The following LRP8 variants were observed in gnomAD, a reference collection of about 807,000 sequenced individuals.
LRP8 encodes low-density lipoprotein receptor-related protein 8.
Under a neutral mutation model 111.6 loss-of-function variants are expected in LRP8, and 46 were observed. The observed-to-expected ratio is 0.41, with a 90% CI of 0.33 to 0.53. The LOEUF is 0.53. Ranked by LOEUF, LRP8 falls within the 20% of genes least tolerant of loss-of-function variation. The probability of loss-of-function intolerance (pLI) is 0.20; values close to 1 mark genes in which losing one functional copy is unlikely to be tolerated. For synonymous variants in LRP8, 464 were observed against 511.2 expected (o/e 0.91, Z 1.24); for missense variants, 959 against 1,297.4 (o/e 0.74, Z 4.01).
At chr1:53,274,835 A>G (rs543702213) in intron 6 of LRP8, 5 of 456,318 alleles carry the variant, frequency 1.1e-5, no homozygotes, top group African/African-American at 1.0e-4. Flanking sequence ...TGGGCCGGAC[A>G]AGAGAGTGGA....
chr1:53,279,317 A>G lies in LRP8; in HGVS notation c.496+1270T>C, dbSNP rs1008000830. 3.9e-5 allele frequency among the ~76,000 whole-genome samples: 6 copies of G among 152,300 alleles called. No individual in the cohort carries two copies. Among genetic ancestry groups the G allele is most frequent in the East Asian group, 1.9e-4 (1 of 5,182 alleles). On this transcript the variant is annotated intron_variant, in intron 4 of 18. Coordinates refer to ENST00000306052, the MANE Select transcript of LRP8 (RefSeq NM_004631.5). The surrounding 1 kb of genome is among the most constrained non-coding windows in gnomAD (Gnocchi z 4.4). ...AGACCTTCTGACACCTCTCTCTCCC[A>G]TAATTAATGGGGAATGTTCCTATTC...
chr1:53,276,767 C>T lies in LRP8; in HGVS notation c.808G>A (p.Gly270Ser), dbSNP rs1216759305. 3 of 1,433,736 alleles carry T rather than the reference C, an allele frequency of 2.1e-6. No homozygotes were observed. The highest frequency in any genetic ancestry group is 3.2e-5 in the East Asian group (1 of 31,178). 88.8% of individuals were successfully genotyped at this position (1,433,736 alleles called of 1,614,324 possible). The change falls in exon 5 of 19, where the codon GGC (glycine) becomes AGC (serine). Residue 270 changes from glycine to serine, a missense_variant. Transcript: ENST00000306052. ...ATASQFACRSGECVHLGWRCD... is the reference protein window; with the variant it reads ...ATASQFACRSSECVHLGWRCD... ...CGCCAGCCCAGGTGCACGCACTCGC[C>T]GCTGCGGCAGGCGAACTGGGAGGCG...
chr1:53,314,873 T>G (rs1430165262), intron 2 of LRP8, among the ~76,000 whole-genome samples: 1 of 152,194 alleles, frequency 6.6e-6, no homozygotes, highest in Admixed American at 6.5e-5. Context: ...GCACCTGGGC[T>G]GGGTGGAGCA....
At chr1:53,302,345 C>T (rs1262116371) in intron 2 of LRP8, among the ~76,000 whole-genome samples, 1 of 152,092 alleles carries the variant, frequency 6.6e-6, no homozygotes. Flanking sequence ...GCGTGTGGTC[C>T]ACAACCCCCA....
intron 2 of LRP8, among the ~76,000 whole-genome samples, chr1:53,311,228 T>C (rs1428353141): frequency 6.6e-6 from 1 of 151,824 alleles, no homozygotes; most frequent in Non-Finnish European, 1.5e-5. Context: ...GCAGGAGGAA[T>C]CCATAGTTTA....
chr1:53,276,728 G>GGTCGCC lies in LRP8; in HGVS notation c.841_846dup (p.Gly281_Asp282dup). On this transcript the variant is annotated inframe_insertion, in exon 5 of 19. Transcript: ENST00000306052. The stretch of plus-strand genomic sequence containing the variant: ...TCGTCCGATTTGTCTTTGCAGTCGC[G>GGTCGCC]GTCGCCGTCGCAGCGCCAGCCCAGG... 6.6e-7 allele frequency: 1 copy of GGTCGCC among 1,524,706 alleles called. No individual in the cohort carries two copies. 94.4% of individuals were successfully genotyped at this position (1,524,706 alleles called of 1,614,324 possible).
intron 6 of LRP8, 134 bp from the exon 7 acceptor site, chr1:53,271,480 C>A: frequency 2.1e-6 from 2 of 937,578 alleles, no homozygotes; most frequent in Admixed American, 2.5e-5. Context: ...TCCACAACCT[C>A]ACTGAGCCTC....
chr1:53,289,573 T>A lies in LRP8; in HGVS notation c.361A>T (p.Thr121Ser), dbSNP rs774775347. ...ACTGAGGGGCAGGACTCACTGCAAGTGGCCTCGGACTCATCGGAGCCATCA... is the reference window on the plus strand; with the variant it reads ...ACTGAGGGGCAGGACTCACTGCAAGAGGCCTCGGACTCATCGGAGCCATCA... ...CPDGSDESEA[T>S]CTKQVCPAEK... The change falls in exon 3 of 19, where the codon ACT (threonine) becomes TCT (serine). Residue 121 changes from threonine to serine, a missense_variant. By Grantham distance (58) the Thr-to-Ser change is moderately conservative (BLOSUM62 1). This residue lies in a region of LRP8 where 43 missense variants were observed against 92.4 expected (regional missense o/e 0.47). Coordinates refer to ENST00000306052, the MANE Select transcript of LRP8 (RefSeq NM_004631.5). 2 of 1,600,654 alleles carry A rather than the reference T, an allele frequency of 1.2e-6. No individual in the cohort carries two copies. The highest frequency in any genetic ancestry group is 1.7e-4 in the Middle Eastern group (1 of 6,042).
chr1:53,249,481 G>A lies in LRP8; in HGVS notation c.2752C>T (p.Pro918Ser). 4.3e-6 allele frequency: 7 copies of A among 1,613,916 alleles called. No individual in the cohort carries two copies. Among genetic ancestry groups the A allele is most frequent in the Non-Finnish European group, 5.9e-6 (7 of 1,179,774 alleles). ...AAGACAAAAAGCTCCTTGAGGGCAG[G>A]GGCTGGGTCTTCCGGTTCTCTGGTC... ...GETREPEDPAPALKELFVLPG... is the reference protein window; with the variant it reads ...GETREPEDPASALKELFVLPG... Residue 918 changes from proline to serine, a missense_variant, in exon 18 of 19, where the codon CCT becomes TCT. Pro to Ser is a moderately conservative substitution (Grantham distance 74, BLOSUM62 -1). Around this residue, in one of 3 missense-constraint regions of LRP8, gnomAD observed 819 missense variants for 1,097.6 expected, o/e 0.75. Transcript: ENST00000306052. This position sits in a 1 kb window ranked among gnomAD's most constrained non-coding sequence, Gnocchi z 4.1.
At chr1:53,253,594 A>T (rs1184668757) in intron 16 of LRP8, among the ~76,000 whole-genome samples, 6 of 152,228 alleles carry the variant, frequency 3.9e-5, no homozygotes, top group African/African-American at 1.2e-4. Context: ...AGAGTGAGTT[A>T]TGTCAGCAAA....
chr1:53,321,995 C>T (rs1654579855), intron 2 of LRP8, among the ~76,000 whole-genome samples: 1 of 152,096 alleles, frequency 6.6e-6, no homozygotes, highest in South Asian at 2.1e-4. Flanking sequence ...AGGCGAGCAC[C>T]AGCTGCAGGA....
At chr1:53,297,747 C>T (rs868328482) in intron 2 of LRP8, among the ~76,000 whole-genome samples, 35 of 152,288 alleles carry the variant, frequency 2.3e-4, no homozygotes, top group African/African-American at 8.4e-4. Flanking sequence ...GTTCTCTCCT[C>T]CAACCCATTC....
At position 53,293,099 on chromosome 1, in the gene LRP8, G is replaced by C. The variant is rs1649084673; in HGVS notation, c.245-3410C>G. ...GCAGGGCAGGCTTGAAGAAGGTGAT[G>C]ATGGGGCTCTGTTGCTGGGCACAGG... On this transcript the variant is annotated intron_variant, in intron 2 of 18. Transcript: ENST00000306052. The surrounding 1 kb of genome is among the most constrained non-coding windows in gnomAD (Gnocchi z 4.9). Among the ~76,000 whole-genome samples the C allele has an allele frequency of 6.6e-6, 1 of 152,204 alleles. No homozygotes were observed. The highest frequency in any genetic ancestry group is 2.4e-5 in the African/African-American group (1 of 41,452).
rs920087039 is a variant in LRP8, at chr1:53,243,327, G to A, written c.*3691C>T. The A allele has an allele frequency of 2.6e-5, 4 of 152,052 alleles. No homozygotes were observed. Among genetic ancestry groups the A allele is most frequent in the African/African-American group, 7.2e-5 (3 of 41,400 alleles). 9.4% of individuals were successfully genotyped at this position (152,052 alleles called of 1,614,324 possible). On this transcript the variant is annotated 3_prime_UTR_variant, in exon 19 of 19. Transcript: ENST00000306052. ...AGTTGAGAAAATCTAAGAGGCTCTC[G>A]ACAACATGGCATGCATCTGTGAAAA...
chr1:53,325,791 C>A (rs558560805), intron 2 of LRP8, among the ~76,000 whole-genome samples: 10 of 152,250 alleles, frequency 6.6e-5, no homozygotes, highest in Non-Finnish European at 1.5e-4. Flanking sequence ...TGCTCCCTGG[C>A]TGGCAGGGCT....
In LRP8 at chr1:53,327,991, C is replaced by T. The variant is rs1174180467; in HGVS notation, c.-79G>A. 4 of 916,582 alleles carry T rather than the reference C, an allele frequency of 4.4e-6. No homozygotes were observed. The highest frequency in any genetic ancestry group is 5.2e-6 in the Non-Finnish European group (4 of 767,306). 56.8% of individuals were successfully genotyped at this position (916,582 alleles called of 1,614,324 possible). ...CGCGTCTCAGCCCTCCGAGTCCTTG[C>T]CGCGGCGCCGGGGTTGCCGCTGCCC... On this transcript the variant is annotated 5_prime_UTR_variant, in exon 1 of 19. Transcript: ENST00000306052.
rs907804155 is a variant in LRP8, at chr1:53,250,531, CAG to C, written c.2676+157_2676+158del. 2.4e-4 allele frequency among the ~76,000 whole-genome samples: 33 copies of C among 135,884 alleles called. No individual in the cohort carries two copies. The highest frequency in any genetic ancestry group is 8.3e-4 in the African/African-American group (29 of 34,878). 89.1% of individuals were successfully genotyped at this position (135,884 alleles called of 152,430 possible). On this transcript the variant is annotated intron_variant, in intron 17 of 18. Coordinates refer to ENST00000306052, the MANE Select transcript of LRP8 (RefSeq NM_004631.5). The surrounding 1 kb of genome is among the most constrained non-coding windows in gnomAD (Gnocchi z 4.6). ...GAAGGAAAGAAGGAAAGAAAAAAGA[CAG>C]GGAGGGAGGGAAGGACGGAAGGAAA...
intron 16 of LRP8, among the ~76,000 whole-genome samples, chr1:53,253,824 C>A (rs1645979803): frequency 2.6e-5 from 4 of 152,194 alleles, no homozygotes; most frequent in African/African-American, 9.7e-5. Flanking sequence ...GAGTATCATG[C>A]CACTATTACA....
At chr1:53,274,933 C>T in intron 6 of LRP8, 1 of 434,412 alleles carries the variant, frequency 2.3e-6, no homozygotes, top group South Asian at 1.6e-5. Context: ...TCACAGGTCC[C>T]TGGAGGGTGG....
Sources: gnomAD v4.1 joint callset for allele counts (sites outside exome capture counted in the v4.1 genomes callset) on GRCh38, gnomAD v4.1.1 for gene constraint, gnomAD v4.1.1 regional missense constraint, Gnocchi (gnomAD v3.1) non-coding constraint, MANE v1.5 for transcripts, NCBI Gene and HGNC (gene_info 2026-07-23, HGNC 2026-07-21) for gene names.